Variants in TRIM14 observed in about 807,000 individuals in gnomAD.
TRIM14 encodes tripartite motif-containing protein 14.
A neutral mutation model predicts 44.5 loss-of-function variants in TRIM14; 28 were observed. That is an observed-to-expected ratio of 0.63 (90% CI 0.47 to 0.86). TRIM14 has a LOEUF of 0.86. Among genes scored for constraint, TRIM14 ranks in the 40% least tolerant of loss-of-function variants. The pLI is 0.00. For missense variants in TRIM14, 607 were observed against 611.1 expected, an observed-to-expected ratio of 0.99 and a Z score of 0.07; for synonymous variants, 299 against 269.2, an observed-to-expected ratio of 1.11 and a Z score of -1.08.
At chr9:98,088,579 T>C (rs181431305) in intron 5 of TRIM14, among the ~76,000 whole-genome samples, 1 of 152,344 alleles carries the variant, frequency 6.6e-6, no homozygotes, top group East Asian at 1.9e-4. Context: ...GGTAATCTGC[T>C]TTTTAAAATT....
chr9:98,080,777 CATG>C, downstream of TRIM14: 1 of 1,539,896 alleles, frequency 6.5e-7, no homozygotes, highest in Non-Finnish European at 8.8e-7. Flanking sequence ...CATAAAGCAG[CATG>C]ATATTTAATG....
At chr9:98,052,669 G>C in the TRIM14 span, among the ~76,000 whole-genome samples, 1 of 152,092 alleles carries the variant, frequency 6.6e-6, no homozygotes, top group Non-Finnish European at 1.5e-5. Flanking sequence ...CACCACGCCT[G>C]CCTAATTTTA....
At chr9:98,098,873 T>G (rs185296783) in intron 3 of TRIM14, among the ~76,000 whole-genome samples, 25 of 152,158 alleles carry the variant, frequency 1.6e-4, no homozygotes, top group Admixed American at 2.0e-4. Flanking sequence ...CTGCAATCTT[T>G]GCCTCCCCGA....
rs751975822 is a variant in TRIM14, at chr9:98,099,920, C to G, written c.537+11G>C. On this transcript the variant is annotated intron_variant, in intron 3 of 5. Coordinates refer to ENST00000341469, the MANE Select transcript of TRIM14 (RefSeq NM_014788.4). ...AGGTGGCAGCAGTAAGAGCAGTGAC[C>G]CCAGCATTACCTGAAGCCTCTGGAC... The G allele has an allele frequency of 1.9e-6, 3 of 1,608,490 alleles. No homozygotes were observed. The highest frequency in any genetic ancestry group is 2.5e-6 in the Non-Finnish European group (3 of 1,176,696).
downstream of TRIM14, among the ~76,000 whole-genome samples, chr9:98,067,596 T>C (rs192397129): frequency 9.2e-5 from 14 of 152,372 alleles, no homozygotes; most frequent in Admixed American, 2.6e-4. Context: ...ATATATTCTT[T>C]TGAAATTTAA....
rs878965547 is a variant in TRIM14, at chr9:98,086,742, T to A, written c.*728A>T. 1.3e-5 allele frequency: 2 copies of A among 151,260 alleles called. No homozygotes were observed. The highest frequency in any genetic ancestry group is 1.3e-4 in the Admixed American group (2 of 15,144). 9.4% of individuals were successfully genotyped at this position (151,260 alleles called of 1,614,324 possible). On this transcript the variant is annotated 3_prime_UTR_variant, in exon 6 of 6. Coordinates refer to ENST00000341469, the MANE Select transcript of TRIM14 (RefSeq NM_014788.4). The stretch of plus-strand genomic sequence containing the variant: ...CTGACTGGAGAGTCTCTAAGAAGAG[T>A]GGTAGGAGCTAGGTGAGGATAAGTA...
chr9:98,111,857 G>T (rs1352317055), intron 1 of TRIM14, among the ~76,000 whole-genome samples: 1 of 152,122 alleles, frequency 6.6e-6, no homozygotes, highest in Admixed American at 6.6e-5. Flanking sequence ...AGAATCACTT[G>T]AACCCAGGAG....
chr9:98,095,038 G>T lies in TRIM14; in HGVS notation c.538-9C>A. 2.5e-6 allele frequency: 4 copies of T among 1,609,978 alleles called. No homozygotes were observed. Among genetic ancestry groups the T allele is most frequent in the Non-Finnish European group, 3.4e-6 (4 of 1,178,546 alleles). Reference sequence around the variant, plus strand: ...TCGGTGGCCGTGTATGCCTGTGTGGGCACACGGGGGTGAGGGTGGCTCTGG... The same window carrying T: ...TCGGTGGCCGTGTATGCCTGTGTGGTCACACGGGGGTGAGGGTGGCTCTGG... On this transcript the variant is annotated splice_polypyrimidine_tract_variant and intron_variant, in intron 3 of 5. Coordinates refer to ENST00000341469, the MANE Select transcript of TRIM14 (RefSeq NM_014788.4). This position sits in a 1 kb window ranked among gnomAD's most constrained non-coding sequence, Gnocchi z 4.1.
intron 6 of TRIM14, among the ~76,000 whole-genome samples, chr9:98,073,811 ATTTTT>A (rs10538675): frequency 0.31 from 46,636 of 150,222 alleles, 9,368 homozygotes; most frequent in African/African-American, 0.58. Flanking sequence ...TTTTTGGTTT[ATTTTT>A]TGTTTTGTCA....
the TRIM14 span, among the ~76,000 whole-genome samples, chr9:98,051,566 T>C: frequency 6.6e-6 from 1 of 152,166 alleles, no homozygotes; most frequent in Non-Finnish European, 1.5e-5. Flanking sequence ...CATTGCCCCT[T>C]TTACTCCAAA....
chr9:98,049,888 A>C, the TRIM14 span, among the ~76,000 whole-genome samples: 1 of 152,128 alleles, frequency 6.6e-6, no homozygotes, highest in Non-Finnish European at 1.5e-5. Flanking sequence ...TAAAAGAAAA[A>C]CTTCAGCTGA....
At position 98,097,314 on chromosome 9, in the gene TRIM14, C is replaced by A. The variant is rs557066372; in HGVS notation, c.538-2285G>T. Among the ~76,000 whole-genome samples the A allele has an allele frequency of 7.9e-5, 12 of 152,134 alleles. No homozygotes were observed. In the South Asian group the frequency reaches 2.3e-3, roughly 29 times the overall value. On this transcript the variant is annotated intron_variant, in intron 3 of 5. Transcript: ENST00000341469. Reference sequence around the variant, plus strand: ...TATGGATCCAGCTGTGTCTCTCAATCCCCCCACCCTTATACCCTCACCTCT... The same window carrying A: ...TATGGATCCAGCTGTGTCTCTCAATACCCCCACCCTTATACCCTCACCTCT...
chr9:98,056,941 G>A, the TRIM14 span: 2 of 1,585,282 alleles, frequency 1.3e-6, no homozygotes, highest in African/African-American at 1.4e-5. Context: ...CATGGCCAAG[G>A]TGAGGCGGCA....
the TRIM14 span, among the ~76,000 whole-genome samples, chr9:98,048,882 G>A: frequency 5.9e-5 from 9 of 152,026 alleles, no homozygotes; most frequent in East Asian, 1.9e-4. Flanking sequence ...TTAGCCAGGC[G>A]TGGTGGCGGG....
At chr9:98,092,584 G>A in intron 4 of TRIM14, 1 of 253,768 alleles carries the variant, frequency 3.9e-6, no homozygotes. Flanking sequence ...CCTGCAGGCT[G>A]TTTAAATCAA....
At chr9:98,097,198 A>G (rs1011482733) in intron 3 of TRIM14, among the ~76,000 whole-genome samples, 1 of 152,168 alleles carries the variant, frequency 6.6e-6, no homozygotes, top group Non-Finnish European at 1.5e-5. Context: ...TGTCTCAAAA[A>G]CAAACAAACA....
At chr9:98,062,697 A>G in the TRIM14 span, among the ~76,000 whole-genome samples, 1 of 151,706 alleles carries the variant, frequency 6.6e-6, no homozygotes, top group Non-Finnish European at 1.5e-5. Context: ...AGATTTTAAT[A>G]GCAACGTAAT....
the TRIM14 span, among the ~76,000 whole-genome samples, chr9:98,057,255 G>C: frequency 6.6e-6 from 1 of 152,186 alleles, no homozygotes; most frequent in Non-Finnish European, 1.5e-5. Flanking sequence ...GCTCCCTCCT[G>C]CCCGCGGGTA....
intron 6 of TRIM14, among the ~76,000 whole-genome samples, chr9:98,070,310 G>A (rs895392806): frequency 6.6e-6 from 1 of 152,004 alleles, no homozygotes; most frequent in Non-Finnish European, 1.5e-5. Flanking sequence ...TAGAGACGGG[G>A]TTTCACCATG....
Sources: gnomAD v4.1 joint callset for allele counts (sites outside exome capture counted in the v4.1 genomes callset) on GRCh38, gnomAD v4.1.1 for gene constraint, Gnocchi (gnomAD v3.1) non-coding constraint, MANE v1.5 for transcripts, NCBI Gene and HGNC (gene_info 2026-07-23, HGNC 2026-07-21) for gene names.